Variants in DPYSL2 observed in about 807,000 individuals in gnomAD.
DPYSL2 encodes dihydropyrimidinase-related protein 2.
Under a neutral mutation model 69.9 loss-of-function variants are expected in DPYSL2, and 13 were observed. The ratio of observed to expected loss-of-function variants is 0.19; its 90% confidence interval spans 0.12 to 0.30. The LOEUF is 0.30. DPYSL2 is among the 10% of genes least tolerant of loss of function. The pLI, the probability that DPYSL2 is intolerant of heterozygous loss-of-function variation, is 1.00. For synonymous variants in DPYSL2, 326 were observed against 359.1 expected (o/e 0.91, Z 1.04); for missense variants, 587 against 918.9 (o/e 0.64, Z 4.67).
chr8:26,596,556 A>G (rs1181218683), intron 3 of DPYSL2, among the ~76,000 whole-genome samples: 1 of 152,220 alleles, frequency 6.6e-6, no homozygotes, highest in Non-Finnish European at 1.5e-5. Context: ...AGAGATGGTT[A>G]GAAGAAAGTG....
At position 26,654,700 on chromosome 8, in the gene DPYSL2, C is replaced by T. The variant is rs1803344546; in HGVS notation, c.1943-915C>T. On this transcript the variant is annotated intron_variant, in intron 13 of 13. Transcript: ENST00000521913. This position sits in a 1 kb window ranked among gnomAD's most constrained non-coding sequence, Gnocchi z 5.0. ...CCACAGCCAATTTGACTAATCAGAA[C>T]AGGGGACAGGACAGAGTCTAAGATG... Among the ~76,000 whole-genome samples, 1 of 152,094 alleles carries T rather than the reference C, an allele frequency of 6.6e-6. No individual in the cohort carries two copies. The highest frequency in any genetic ancestry group is 1.5e-5 in the Non-Finnish European group (1 of 68,032).
rs560629383 is a variant in DPYSL2, at chr8:26,620,794, A to G, written c.629-3349A>G. On this transcript the variant is annotated intron_variant, in intron 3 of 13. Transcript: ENST00000521913. This position sits in a 1 kb window ranked among gnomAD's most constrained non-coding sequence, Gnocchi z 4.5. ...ATTTGTTTTTTTAATCTTAAAGGAA[A>G]TAGATATGTTAAACCTATCAGGCTT... is the stretch of plus-strand genomic sequence containing the variant. Among the ~76,000 whole-genome samples the G allele has an allele frequency of 6.6e-6, 1 of 152,312 alleles. No individual in the cohort carries two copies. Among genetic ancestry groups the G allele is most frequent in the South Asian group, 2.1e-4 (1 of 4,822 alleles).
At chr8:26,646,113 A>C (rs1585571350) in intron 10 of DPYSL2, among the ~76,000 whole-genome samples, 1 of 148,220 alleles carries the variant, frequency 6.7e-6, no homozygotes, top group African/African-American at 2.5e-5. Context: ...TGATCCACCC[A>C]CCTCAGCCTC....
rs1371641291 is a variant in DPYSL2, at chr8:26,647,562, T to C, written c.1426-68T>C. On this transcript the variant is annotated intron_variant, in intron 10 of 13. Transcript: ENST00000521913. This position sits in a 1 kb window ranked among gnomAD's most constrained non-coding sequence, Gnocchi z 5.1. ...TGTCGTGTGTATCAATAGTTTGTTA[T>C]TGAAAAGTAACTTTTTAACTCGTTT... is the stretch of plus-strand genomic sequence containing the variant. The C allele has an allele frequency of 1.3e-6, 2 of 1,506,194 alleles. No homozygotes were observed. The highest frequency in any genetic ancestry group is 1.8e-6 in the Non-Finnish European group (2 of 1,117,924). 93.3% of individuals were successfully genotyped at this position (1,506,194 alleles called of 1,614,324 possible). A position where few individuals can be genotyped will look rare whatever the true frequency, so the allele number is the denominator to read the frequency against.
chr8:26,634,637 C>T (rs1293104242), intron 7 of DPYSL2, 143 bp from the exon 8 acceptor site: 15 of 1,391,844 alleles, frequency 1.1e-5, no homozygotes, highest in Middle Eastern at 2.0e-4. Context: ...GCAAGTCATA[C>T]TCCTTTGAAT....
Position 26,514,564 on chromosome 8 carries a change from C to A in DPYSL2, c.239C>A (p.Pro80Gln), listed in dbSNP as rs532456283. The A allele has an allele frequency of 6.5e-7, 1 of 1,526,812 alleles. No homozygotes were observed. The highest frequency in any genetic ancestry group is 2.0e-5 in the Admixed American group (1 of 50,084). 94.6% of individuals were successfully genotyped at this position (1,526,812 alleles called of 1,614,324 possible). ...GCCCACTTGGGCCCGGACCCGCAGC[C>A]GCCGTACTCGCGGCAGGGCCGGCGC... ...DVAHLGPDPQ[P>Q]PYSRQGRRAG... is the part of the protein sequence containing the mutation. Residue 80 changes from proline to glutamine, a missense_variant, in exon 1 of 14, where the codon CCG (proline) becomes CAG (glutamine). Coordinates refer to ENST00000521913, the MANE Select transcript of DPYSL2 (RefSeq NM_001197293.3). This position sits in a 1 kb window ranked among gnomAD's most constrained non-coding sequence, Gnocchi z 8.4.
intron 1 of DPYSL2, among the ~76,000 whole-genome samples, chr8:26,550,124 A>T (rs1800849201): frequency 6.6e-6 from 1 of 152,236 alleles, no homozygotes; most frequent in African/African-American, 2.4e-5. Flanking sequence ...GGGTAAATTA[A>T]ATAAGGAAAA....
Position 26,657,662 on chromosome 8 carries a change from C to A in DPYSL2, c.*1956C>A, listed in dbSNP as rs1334094108. ...GAAATTTGAACAAGTTGGAAAAAAA[C>A]AATTTTTGTTTCAATTCTAAGAAAC... On this transcript the variant is annotated 3_prime_UTR_variant, in exon 14 of 14. Coordinates refer to ENST00000521913, the MANE Select transcript of DPYSL2 (RefSeq NM_001197293.3). The A allele has an allele frequency of 6.6e-6, 1 of 152,524 alleles. No individual in the cohort carries two copies. The highest frequency in any genetic ancestry group is 1.5e-5 in the Non-Finnish European group (1 of 67,992). 9.4% of individuals were successfully genotyped at this position (152,524 alleles called of 1,614,324 possible). A position where few individuals can be genotyped will look rare whatever the true frequency, so the allele number is the denominator to read the frequency against.
intron 3 of DPYSL2, among the ~76,000 whole-genome samples, chr8:26,596,530 T>C (rs1310587100): frequency 6.6e-6 from 1 of 152,224 alleles, no homozygotes. Context: ...AGTTGTGTGA[T>C]TCTGTCCTTT....
Position 26,643,305 on chromosome 8 carries a change from A to T in DPYSL2, c.1127-134A>T. The T allele has an allele frequency of 1.0e-6, 1 of 960,006 alleles. No homozygotes were observed. The highest frequency in any genetic ancestry group is 2.0e-5 in the South Asian group (1 of 50,682). The allele number at this position is 960,006 out of a possible 1,614,324, so 59.5% of individuals were successfully genotyped here. On this transcript the variant is annotated intron_variant, in intron 8 of 13. Transcript: ENST00000521913. This position sits in a 1 kb window ranked among gnomAD's most constrained non-coding sequence, Gnocchi z 6.5. ...CCAAGTCTCAGTTTCCTCATCTGCG[A>T]GATGAGCCTGATATTTCCTATAAAG...
chr8:26,536,120 T>C (rs1186899057), intron 1 of DPYSL2, among the ~76,000 whole-genome samples: 2 of 150,380 alleles, frequency 1.3e-5, no homozygotes, highest in East Asian at 2.0e-4. Flanking sequence ...TTTTTTTTTT[T>C]CTAGAGACAG....
rs534248706 is a variant in DPYSL2 at position 26,561,111 on chromosome 8, G to T, written c.355-20858G>T. Among the ~76,000 whole-genome samples, 42 of 152,286 alleles carry T rather than the reference G, an allele frequency of 2.8e-4. 1 individual carries two copies. In the South Asian group the frequency reaches 8.7e-3, roughly 32 times the overall value. ...ATGAGAAATGCAAGACTCTACTAGG[G>T]TTGGTCATTGGGCATTTCTGAGTTG... On this transcript the variant is annotated intron_variant, in intron 1 of 13. Coordinates refer to ENST00000521913, the MANE Select transcript of DPYSL2 (RefSeq NM_001197293.3).
At position 26,582,069 on chromosome 8, in the gene DPYSL2, T is replaced by G; in HGVS notation, c.443+12T>G. The stretch of plus-strand genomic sequence containing the variant: ...GATGGGTTGATCAAGTAAGTGTAAC[T>G]CATGATATACAGATGTATTTGAACA... On this transcript the variant is annotated intron_variant, in intron 2 of 13. Coordinates refer to ENST00000521913, the MANE Select transcript of DPYSL2 (RefSeq NM_001197293.3). The surrounding 1 kb of genome is among the most constrained non-coding windows in gnomAD (Gnocchi z 4.1). 6.2e-7 allele frequency: 1 copy of G among 1,600,040 alleles called. No homozygotes were observed. The highest frequency in any genetic ancestry group is 1.1e-5 in the South Asian group (1 of 90,820).
At position 26,560,276 on chromosome 8, in the gene DPYSL2, A is replaced by G. The variant is rs1035980639; in HGVS notation, c.355-21693A>G. On this transcript the variant is annotated intron_variant, in intron 1 of 13. Coordinates refer to ENST00000521913, the MANE Select transcript of DPYSL2 (RefSeq NM_001197293.3). This position sits in a 1 kb window ranked among gnomAD's most constrained non-coding sequence, Gnocchi z 4.4. ...TTCCATTCTCCAGGTCAGGCCTTCCATGGATTATTTACAGAATGAGGAATA... is the reference window on the plus strand; with the variant it reads ...TTCCATTCTCCAGGTCAGGCCTTCCGTGGATTATTTACAGAATGAGGAATA... 3.3e-5 allele frequency among the ~76,000 whole-genome samples: 5 copies of G among 152,198 alleles called. No individual in the cohort carries two copies. The highest frequency in any genetic ancestry group is 6.5e-5 in the Admixed American group (1 of 15,282).
chr8:26,555,965 A>G (rs1239096740), intron 1 of DPYSL2, among the ~76,000 whole-genome samples: 4 of 122,670 alleles, frequency 3.3e-5, no homozygotes, highest in African/African-American at 1.2e-4. Context: ...TGTATTATAT[A>G]TTATATATAG....
At position 26,653,585 on chromosome 8, in the gene DPYSL2, G is replaced by T. The variant is rs185388483; in HGVS notation, c.1942+188G>T. Among the ~76,000 whole-genome samples, 4 of 152,182 alleles carry T rather than the reference G, an allele frequency of 2.6e-5. No homozygotes were observed. The highest frequency in any genetic ancestry group is 9.6e-5 in the African/African-American group (4 of 41,516). Reference sequence around the variant, plus strand: ...TTCTTTTTCTTTTTTTTGAGGCAGGGTCTCGCTCTGTTACCCAGACTGGAG... The same window carrying T: ...TTCTTTTTCTTTTTTTTGAGGCAGGTTCTCGCTCTGTTACCCAGACTGGAG... On this transcript the variant is annotated intron_variant, in intron 13 of 13. Transcript: ENST00000521913. This position sits in a 1 kb window ranked among gnomAD's most constrained non-coding sequence, Gnocchi z 5.7.
At chr8:26,645,215 ATGGCAAAACCC>A (rs1435678162) in intron 10 of DPYSL2, among the ~76,000 whole-genome samples, 1 of 152,138 alleles carries the variant, frequency 6.6e-6, no homozygotes, top group Non-Finnish European at 1.5e-5. Context: ...GTCTGGCAAC[ATGGCAAAACCC>A]TGTCTCTACT....
At chr8:26,613,848 CG>C (rs1802289210) in intron 3 of DPYSL2, among the ~76,000 whole-genome samples, 1 of 152,036 alleles carries the variant, frequency 6.6e-6, no homozygotes, top group Non-Finnish European at 1.5e-5. Flanking sequence ...AATATGAGGG[CG>C]GGTGGGGCAT....
rs528083927 is a variant in DPYSL2 at position 26,551,927 on chromosome 8, C to T, written c.355-30042C>T. Among the ~76,000 whole-genome samples the T allele has an allele frequency of 6.6e-5, 10 of 152,234 alleles. 1 individual carries two copies. In the South Asian group the frequency reaches 2.1e-3, roughly 32 times the overall value. On this transcript the variant is annotated intron_variant, in intron 1 of 13. Transcript: ENST00000521913. ...CTCCTGGGCTCAAGCAATTTTCCTG[C>T]CTCAGTCTCCTGAGTAGCTGGGACC...
Sources: allele counts gnomAD v4.1 joint callset (sites outside exome capture counted in the v4.1 genomes callset), GRCh38; gene constraint gnomAD v4.1.1; non-coding constraint Gnocchi (gnomAD v3.1); transcripts MANE v1.5; gene names NCBI Gene and HGNC (gene_info 2026-07-23, HGNC 2026-07-21).